WDR27: variants seen among roughly 807,000 people sequenced by gnomAD.
The protein encoded by WDR27 is WD repeat domain 27, also known as WD repeat-containing protein 27.
A neutral mutation model predicts 114.4 loss-of-function variants in WDR27; 100 were observed. The ratio of observed to expected loss-of-function variants is 0.87; its 90% CI spans 0.74 to 1.03. The LOEUF (loss-of-function observed/expected upper bound fraction) is 1.03. WDR27 is among the 50% of genes least tolerant of loss of function. The pLI is 0.00. For missense variants in WDR27, 1,129 were observed against 1,092.9 expected (o/e 1.03, Z -0.47); for synonymous variants, 449 against 423.1 (o/e 1.06, Z -0.75).
chr6:169,461,167 C>T (rs1349840549), intron 25 of WDR27, among the ~76,000 whole-genome samples: 5 of 151,980 alleles, frequency 3.3e-5, no homozygotes, highest in African/African-American at 4.8e-5. Context: ...AACAGTTTTA[C>T]AATAATAGCT....
chr6:169,486,064 C>T (rs1562481606), intron 25 of WDR27, among the ~76,000 whole-genome samples: 1 of 151,892 alleles, frequency 6.6e-6, no homozygotes, highest in African/African-American at 2.4e-5. Context: ...GGCCTAGTAC[C>T]TGGATGACAA....
intron 25 of WDR27, among the ~76,000 whole-genome samples, chr6:169,482,194 A>G (rs1329898615): frequency 6.6e-6 from 1 of 152,138 alleles, no homozygotes; most frequent in South Asian, 2.1e-4. Context: ...TACCCAGTCT[A>G]TTGCCGGTAT....
intron 25 of WDR27, among the ~76,000 whole-genome samples, chr6:169,535,884 G>A (rs910723835): frequency 3.3e-5 from 5 of 152,324 alleles, no homozygotes; most frequent in Non-Finnish European, 5.9e-5. Flanking sequence ...TCACTTCAGA[G>A]TAATGTTTCC....
Position 169,582,835 on chromosome 6 carries a change from C to A in WDR27, c.2523+1G>T. The A allele has an allele frequency of 6.2e-7, 1 of 1,613,116 alleles. No individual in the cohort carries two copies. The highest frequency in any genetic ancestry group is 8.5e-7 in the Non-Finnish European group (1 of 1,179,364). On this transcript the variant is annotated splice_donor_variant, in intron 24 of 25. Coordinates refer to ENST00000448612, the MANE Select transcript of WDR27 (RefSeq NM_182552.5). LOFTEE classifies it high-confidence loss of function. ...GCCCCACCCACTCAGCAAGACTGTA[C>A]CTGGGGCGCTGATGGGTTGAAGGCC...
intron 1 of WDR27, among the ~76,000 whole-genome samples, chr6:169,695,381 A>C (rs1785629367): frequency 6.6e-6 from 1 of 152,210 alleles, no homozygotes; most frequent in East Asian, 1.9e-4. Flanking sequence ...GGAGAAGCAT[A>C]GATTCCGTTT....
At chr6:169,682,578 C>G (rs1185132834) in intron 2 of WDR27, among the ~76,000 whole-genome samples, 2 of 152,188 alleles carry the variant, frequency 1.3e-5, no homozygotes, top group African/African-American at 4.8e-5. Flanking sequence ...TGTAGAATCC[C>G]TGGAAGGCCC....
Position 169,658,198 on chromosome 6 carries a change from A to G in WDR27, c.1402+78T>C, listed in dbSNP as rs73790086. 2,551 of 1,161,562 alleles carry G rather than the reference A, an allele frequency of 2.2e-3. 45 individuals are homozygous for G. In the African/African-American group the frequency reaches 0.035, roughly 16 times the overall value. The allele number at this position is 1,161,562 out of a possible 1,614,324, so 72.0% of individuals were successfully genotyped here. A position where few individuals can be genotyped will look rare whatever the true frequency, so the allele number is the denominator to read the frequency against. Reference sequence around the variant, plus strand: ...TGCATATTTTAACATAAGAATTCGCAAAGCAATGCAGCAGCCCTAACCACA... The same window carrying G: ...TGCATATTTTAACATAAGAATTCGCGAAGCAATGCAGCAGCCCTAACCACA... On this transcript the variant is annotated intron_variant, in intron 13 of 25. Coordinates refer to ENST00000448612, the MANE Select transcript of WDR27 (RefSeq NM_182552.5).
At chr6:169,667,609 C>G (rs1731443029) in intron 5 of WDR27, among the ~76,000 whole-genome samples, 2 of 152,192 alleles carry the variant, frequency 1.3e-5, no homozygotes, top group Non-Finnish European at 2.9e-5. Flanking sequence ...AATTCGCATT[C>G]CATTTTCTTC....
intron 2 of WDR27, among the ~76,000 whole-genome samples, chr6:169,686,424 C>T (rs1421788836): frequency 6.6e-6 from 1 of 151,942 alleles, no homozygotes; most frequent in African/African-American, 2.4e-5. Flanking sequence ...TATCAATAAC[C>T]CTGAATGTAA....
At chr6:169,499,136 G>T (rs1790781720) in intron 25 of WDR27, among the ~76,000 whole-genome samples, 2 of 152,218 alleles carry the variant, frequency 1.3e-5, no homozygotes, top group African/African-American at 4.8e-5. Context: ...TTACAGCTCA[G>T]CAGGCTGCAC....
intron 25 of WDR27, among the ~76,000 whole-genome samples, chr6:169,535,426 C>G (rs958731263): frequency 9.9e-5 from 15 of 152,138 alleles, no homozygotes; most frequent in Admixed American, 2.0e-4. Context: ...TGGAGCCACA[C>G]AGGAATACCA....
rs2128293173 is a variant in WDR27, at chr6:169,669,912, T to C, written c.456+657A>G. The C allele has an allele frequency of 2.6e-5, 4 of 152,150 alleles. No homozygotes were observed. In the South Asian group the frequency reaches 8.3e-4, roughly 32 times the overall value. The allele number at this position is 152,150 out of a possible 1,614,324, so 9.4% of individuals were successfully genotyped here. ...CCGAACATCCTTCCTCGCCTACGTT[T>C]ATTAAGTGGCTATCAAAAGAAAAGC... On this transcript the variant is annotated intron_variant, in intron 4 of 25. Transcript: ENST00000448612.
chr6:169,686,613 T>C (rs931288805), intron 2 of WDR27, among the ~76,000 whole-genome samples: 7 of 152,122 alleles, frequency 4.6e-5, no homozygotes, highest in Admixed American at 4.6e-4. Context: ...GGAGTAGCTA[T>C]ACTTACATCA....
At chr6:169,521,880 A>G (rs1340173710) in intron 25 of WDR27, among the ~76,000 whole-genome samples, 1 of 152,068 alleles carries the variant, frequency 6.6e-6, no homozygotes, top group African/African-American at 2.4e-5. Context: ...ACAGAAAGAA[A>G]AAAAGAAGAG....
At chr6:169,622,284 G>T (rs1303122459) in intron 21 of WDR27, among the ~76,000 whole-genome samples, 1 of 152,106 alleles carries the variant, frequency 6.6e-6, no homozygotes, top group Non-Finnish European at 1.5e-5. Context: ...ACCACCTCGG[G>T]CAAATGTCGT....
At chr6:169,498,286 TG>T (rs1790665403) in intron 25 of WDR27, among the ~76,000 whole-genome samples, 1 of 152,062 alleles carries the variant, frequency 6.6e-6, no homozygotes, top group African/African-American at 2.4e-5. Context: ...ACAGGGGCTG[TG>T]GGGAGCGAGG....
chr6:169,632,487 T>C (rs1816670551), intron 21 of WDR27, among the ~76,000 whole-genome samples: 1 of 152,140 alleles, frequency 6.6e-6, no homozygotes, highest in South Asian at 2.1e-4. Flanking sequence ...ATCAAATGTT[T>C]CTCCTGTAAT....
intron 16 of WDR27, among the ~76,000 whole-genome samples, chr6:169,647,269 A>T (rs1820987840): frequency 1.3e-5 from 2 of 152,226 alleles, no homozygotes. Flanking sequence ...AAGCCGAGAC[A>T]CACTCAGCCC....
intron 25 of WDR27, among the ~76,000 whole-genome samples, chr6:169,541,810 A>G (rs1796883558): frequency 6.6e-6 from 1 of 152,250 alleles, no homozygotes; most frequent in Admixed American, 6.5e-5. Context: ...GACTTAAAAA[A>G]TTCTAATGTA....
Sources: gnomAD v4.1 joint callset for allele counts (sites outside exome capture counted in the v4.1 genomes callset) on GRCh38, gnomAD v4.1.1 for gene constraint, MANE v1.5 for transcripts, NCBI Gene and HGNC (gene_info 2026-07-23, HGNC 2026-07-21) for gene names.